MBNL2: variants seen among roughly 807,000 people sequenced by gnomAD.
MBNL2 encodes the protein muscleblind-like protein 2.
In MBNL2, 17 loss-of-function variants were observed where a neutral mutation model predicts 41.9. The observed-to-expected ratio is 0.41, with a 90% confidence interval of 0.28 to 0.61. MBNL2 has a LOEUF of 0.61. Ranked by LOEUF, MBNL2 falls within the 20% of genes least tolerant of loss-of-function variation. MBNL2 has a pLI of 0.35. For synonymous variants in MBNL2, 195 were observed against 182.9 expected (o/e 1.07, Z -0.53); for missense variants, 336 against 505.6 (o/e 0.66, Z 3.22).
chr13:97,262,583 CTCTCT>C (rs2048849952), intron 1 of MBNL2, among the ~76,000 whole-genome samples: 1 of 152,136 alleles, frequency 6.6e-6, no homozygotes, highest in Non-Finnish European at 1.5e-5. Flanking sequence ...TCCCTTCTCC[CTCTCT>C]TATTTTTGCC....
At chr13:97,364,321 C>T (rs1025386218) in intron 7 of MBNL2, among the ~76,000 whole-genome samples, 1 of 152,174 alleles carries the variant, frequency 6.6e-6, no homozygotes, top group Non-Finnish European at 1.5e-5. Context: ...GTAGTCATGA[C>T]CAAATTCCTT....
intron 2 of MBNL2, among the ~76,000 whole-genome samples, chr13:97,290,145 C>T (rs1014093727): frequency 6.6e-6 from 1 of 152,156 alleles, no homozygotes; most frequent in Non-Finnish European, 1.5e-5. Context: ...TCACTATTTG[C>T]TCAAATAAGC....
Position 97,387,162 on chromosome 13 carries a change from T to A in MBNL2, c.1049-4160T>A, listed in dbSNP as rs569611058. ...CATGGTGCTTTGTTATATAAAACAC[T>A]ACTTACTTGAGGCAATAGTCTCCCA... is the stretch of plus-strand genomic sequence containing the variant. On this transcript the variant is annotated intron_variant, in intron 8 of 8. Transcript: ENST00000679496. 3.3e-5 allele frequency among the ~76,000 whole-genome samples: 5 copies of A among 151,938 alleles called. No individual in the cohort carries two copies. In the South Asian group the frequency reaches 1.0e-3, roughly 32 times the overall value.
At chr13:97,203,077 G>A in the MBNL2 span, among the ~76,000 whole-genome samples, 1 of 152,158 alleles carries the variant, frequency 6.6e-6, no homozygotes, top group African/African-American at 2.4e-5. Flanking sequence ...AGACCAGAAG[G>A]ATTCACCGAC....
chr13:97,362,692 C>T (rs2063511035), intron 7 of MBNL2, among the ~76,000 whole-genome samples: 1 of 152,020 alleles, frequency 6.6e-6, no homozygotes. Context: ...GTGGCCAGGC[C>T]TGCATTTGGA....
At chr13:97,376,822 T>C (rs759653316) in intron 8 of MBNL2, among the ~76,000 whole-genome samples, 10 of 151,894 alleles carry the variant, frequency 6.6e-5, no homozygotes, top group Non-Finnish European at 1.3e-4. Flanking sequence ...CTACAAAACA[T>C]AAAAAAGAAA....
At chr13:97,328,445 G>A (rs1219633848) in intron 2 of MBNL2, among the ~76,000 whole-genome samples, 1 of 152,226 alleles carries the variant, frequency 6.6e-6, no homozygotes, top group African/African-American at 2.4e-5. Context: ...CTTAGGGCCA[G>A]CACTTGCCGT....
chr13:97,313,954 T>C (rs1379065605), intron 2 of MBNL2, among the ~76,000 whole-genome samples: 1 of 152,222 alleles, frequency 6.6e-6, no homozygotes, highest in Non-Finnish European at 1.5e-5. Context: ...TTAAAGTTGC[T>C]AATACATTTA....
chr13:97,329,555 C>T (rs2060196400), intron 2 of MBNL2, among the ~76,000 whole-genome samples: 2 of 150,248 alleles, frequency 1.3e-5, no homozygotes, highest in African/African-American at 4.9e-5. Context: ...GTGCCTGCCC[C>T]TAGATGGGAC....
the MBNL2 span, among the ~76,000 whole-genome samples, chr13:97,165,629 G>A: frequency 2.0e-5 from 3 of 152,208 alleles, no homozygotes. Context: ...ATTATGAAAT[G>A]TAAAGGGTAG....
chr13:97,166,837 T>TAGATAGAAAGAAAGAAAGAAAGAAAGAA, the MBNL2 span, among the ~76,000 whole-genome samples: 1 of 143,384 alleles, frequency 7.0e-6, no homozygotes, highest in Non-Finnish European at 1.5e-5. Flanking sequence ...GATAGATAGA[T>TAGATAGAAAGAAAGAAAGAAAGAAAGAA]AGAAAGATAG....
intron 1 of MBNL2, among the ~76,000 whole-genome samples, chr13:97,230,933 C>T (rs570029701): frequency 6.6e-6 from 1 of 152,182 alleles, no homozygotes; most frequent in Non-Finnish European, 1.5e-5. Context: ...AAAAGTCGAT[C>T]TTCACTAATA....
intron 1 of MBNL2, among the ~76,000 whole-genome samples, chr13:97,260,584 G>A (rs113830393): frequency 7.9e-5 from 12 of 152,302 alleles, no homozygotes; most frequent in African/African-American, 2.2e-4. Context: ...AGACTCTGGC[G>A]CCGTTAGGAA....
At chr13:97,257,367 G>A (rs758842038) in intron 1 of MBNL2, among the ~76,000 whole-genome samples, 5 of 152,102 alleles carry the variant, frequency 3.3e-5, no homozygotes, top group Non-Finnish European at 4.4e-5. Context: ...GGTATCACAG[G>A]TTAGGCCAGG....
chr13:97,157,093 T>C, the MBNL2 span, among the ~76,000 whole-genome samples: 9 of 148,960 alleles, frequency 6.0e-5, no homozygotes, highest in Non-Finnish European at 8.9e-5. Context: ...GTAGTTCTCC[T>C]TGAAGAGGTC....
chr13:97,143,236 A>G, the MBNL2 span, among the ~76,000 whole-genome samples: 29 of 152,240 alleles, frequency 1.9e-4, no homozygotes, highest in African/African-American at 6.5e-4. Flanking sequence ...AACCTTCCCT[A>G]TGTCCTTTGT....
the MBNL2 span, among the ~76,000 whole-genome samples, chr13:97,157,743 G>T: frequency 6.7e-6 from 1 of 148,540 alleles, no homozygotes; most frequent in Non-Finnish European, 1.5e-5. Flanking sequence ...CAGGGATGAA[G>T]CCCACTTGAT....
chr13:97,291,900 C>CAAAAAAAAAAAAAAAAAAAAAAAAAAAAA lies in MBNL2; in HGVS notation c.174+15508_174+15509insAAAAAAAAAAAAAAAAAAAAAAAAAAAAA, dbSNP rs763407208. 1.6e-4 allele frequency among the ~76,000 whole-genome samples: 6 copies of CAAAAAAAAAAAAAAAAAAAAAAAAAAAAA among 37,818 alleles called. 1 individual carries two copies. Among genetic ancestry groups the CAAAAAAAAAAAAAAAAAAAAAAAAAAAAA allele is most frequent in the East Asian group, 1.5e-3 (1 of 668 alleles). 24.8% of individuals were successfully genotyped at this position (37,818 alleles called of 152,430 possible). A position where few individuals can be genotyped will look rare whatever the true frequency, so the allele number is the denominator to read the frequency against. On this transcript the variant is annotated intron_variant, in intron 2 of 8. Coordinates refer to ENST00000679496, the MANE Select transcript of MBNL2 (RefSeq NM_001382683.1). Reference sequence around the variant, plus strand: ...ACAGAGCGAGACTCCGTCTCCGTCTCAAAAAAAAAAAAAAAAAGTGGGCTG... The same window carrying CAAAAAAAAAAAAAAAAAAAAAAAAAAAAA: ...ACAGAGCGAGACTCCGTCTCCGTCTCAAAAAAAAAAAAAAAAAAAAAAAAAAAAAAAAAAAAAAAAAAAAAAGTGGGCTG...
At chr13:97,319,096 A>G (rs1309725008) in intron 2 of MBNL2, among the ~76,000 whole-genome samples, 1 of 152,188 alleles carries the variant, frequency 6.6e-6, no homozygotes, top group Non-Finnish European at 1.5e-5. Context: ...GGTTTTCTGG[A>G]GGCAAAGGCA....
Sources: allele counts gnomAD v4.1 joint callset (sites outside exome capture counted in the v4.1 genomes callset), GRCh38; gene constraint gnomAD v4.1.1; transcripts MANE v1.5; gene names NCBI Gene and HGNC (gene_info 2026-07-23, HGNC 2026-07-21).